Variants in PARD6G observed in about 807,000 individuals in gnomAD.
PARD6G encodes partitioning defective 6 homolog gamma.
PARD6G carries 7 observed loss-of-function variants against 10.7 expected under a neutral mutation model. The observed-to-expected ratio is 0.66, with a 90% CI of 0.37 to 1.23. The LOEUF (loss-of-function observed/expected upper bound fraction) is 1.23, where lower values mean the gene tolerates loss of function less well. Ranked by LOEUF, PARD6G falls within the 50% of genes most tolerant of loss-of-function variation. The probability of loss-of-function intolerance (pLI) is 0.02; values close to 1 mark genes in which losing one functional copy is unlikely to be tolerated. For missense variants in PARD6G, 548 were observed against 571.8 expected (o/e 0.96, Z 0.42); for synonymous variants, 287 against 269.4 (o/e 1.07, Z -0.64).
At chr18:80,174,822 C>T (rs925834611) in intron 2 of PARD6G, among the ~76,000 whole-genome samples, 3 of 152,060 alleles carry the variant, frequency 2.0e-5, no homozygotes, top group South Asian at 2.1e-4. Context: ...GGCTTGGTGG[C>T]GGGCGCCTGT....
rs2052693764 is a variant in PARD6G at position 80,160,613 on chromosome 18, GAGAGGGGACAGTT to G, written c.296-20_296-8del. ...CTGCCACGCTCGGCCTCCTCTGCGG[GAGAGGGGACAGTT>G]AGAGGGGACACACAACCGAGCCCCG... is the stretch of plus-strand genomic sequence containing the variant. On this transcript the variant is annotated splice_region_variant and splice_polypyrimidine_tract_variant and intron_variant, in intron 2 of 2. Transcript: ENST00000353265. 1 of 1,440,160 alleles carries G rather than the reference GAGAGGGGACAGTT, an allele frequency of 6.9e-7. No homozygotes were observed. Among genetic ancestry groups the G allele is most frequent in the Non-Finnish European group, 9.1e-7 (1 of 1,102,096 alleles). The allele number at this position is 1,440,160 out of a possible 1,614,324, so 89.2% of individuals were successfully genotyped here.
Position 80,195,548 on chromosome 18 carries a change from C to CATATATATATATATATATATATATAT in PARD6G, c.295+7161_295+7162insATATATATATATATATATATATATAT, listed in dbSNP as rs201373415. Reference sequence around the variant, plus strand: ...CACACAATAAGAGTCTTCAAAGATACATATATATATATATATATATATATA... The same window carrying CATATATATATATATATATATATATAT: ...CACACAATAAGAGTCTTCAAAGATACATATATATATATATATATATATATATATATATATATATATATATATATATA... On this transcript the variant is annotated intron_variant, in intron 2 of 2. Coordinates refer to ENST00000353265, the MANE Select transcript of PARD6G (RefSeq NM_032510.4). Among the ~76,000 whole-genome samples, 176 of 82,052 alleles carry CATATATATATATATATATATATATAT rather than the reference C, an allele frequency of 2.1e-3. 5 individuals are homozygous for CATATATATATATATATATATATATAT. Among genetic ancestry groups the CATATATATATATATATATATATATAT allele is most frequent in the Non-Finnish European group, 3.3e-3 (136 of 41,000 alleles). The allele number at this position is 82,052 out of a possible 152,430, so 53.8% of individuals were successfully genotyped here. A position where few individuals can be genotyped will look rare whatever the true frequency, so the allele number is the denominator to read the frequency against.
chr18:80,236,188 T>C (rs1332108861), intron 1 of PARD6G, among the ~76,000 whole-genome samples: 2 of 152,182 alleles, frequency 1.3e-5, no homozygotes, highest in Admixed American at 6.5e-5. Flanking sequence ...GATGCAAGGC[T>C]GGTTCAACAA....
At chr18:80,190,653 T>C (rs1005402734) in intron 2 of PARD6G, among the ~76,000 whole-genome samples, 3 of 152,080 alleles carry the variant, frequency 2.0e-5, no homozygotes, top group African/African-American at 4.8e-5. Flanking sequence ...TTCTGTCCTA[T>C]ATAAAAAAGG....
At chr18:80,245,474 G>A (rs1463251125) in intron 1 of PARD6G, among the ~76,000 whole-genome samples, 1 of 152,164 alleles carries the variant, frequency 6.6e-6, no homozygotes, top group African/African-American at 2.4e-5. Context: ...AGACCTAGGC[G>A]TACACGAATG....
chr18:80,177,485 GATAA>G (rs1417711635), intron 2 of PARD6G, among the ~76,000 whole-genome samples: 1 of 130,730 alleles, frequency 7.6e-6, no homozygotes, highest in Non-Finnish European at 1.6e-5. Context: ...ATGCACAGGG[GATAA>G]ATAATCCAAA....
At chr18:80,171,843 A>T (rs2052779383) in intron 2 of PARD6G, 1 of 152,150 alleles carries the variant, frequency 6.6e-6, no homozygotes, top group Non-Finnish European at 1.5e-5. Flanking sequence ...TTCATCCATT[A>T]ATTTAATTTG....
At chr18:80,220,589 ACT>A (rs1389381781) in intron 1 of PARD6G, among the ~76,000 whole-genome samples, 1 of 151,798 alleles carries the variant, frequency 6.6e-6, no homozygotes, top group Non-Finnish European at 1.5e-5. Flanking sequence ...GTATATGGGA[ACT>A]CTCTGCAATC....
chr18:80,191,713 C>G (rs4799142), intron 2 of PARD6G, among the ~76,000 whole-genome samples: 26,099 of 152,162 alleles, frequency 0.17, 2,862 homozygotes, highest in East Asian at 0.43. Flanking sequence ...CTAAGTGGGA[C>G]CCTTGGACTT....
chr18:80,220,510 T>C (rs1967217220), intron 1 of PARD6G, among the ~76,000 whole-genome samples: 1 of 152,226 alleles, frequency 6.6e-6, no homozygotes, highest in Non-Finnish European at 1.5e-5. Context: ...ATATCAGTAT[T>C]GTGTATTAAT....
chr18:80,177,403 GCATACACACA>G (rs928642706), intron 2 of PARD6G, among the ~76,000 whole-genome samples: 16 of 146,278 alleles, frequency 1.1e-4, no homozygotes, highest in Middle Eastern at 4.1e-3. Flanking sequence ...CAAATGGGAA[GCATACACACA>G]CATACACGCA....
intron 1 of PARD6G, among the ~76,000 whole-genome samples, chr18:80,234,946 C>T (rs1385459995): frequency 1.3e-5 from 2 of 152,204 alleles, no homozygotes; most frequent in East Asian, 1.9e-4. Flanking sequence ...TTAGACAGAT[C>T]AACGAGACAG....
chr18:80,186,053 C>CAT (rs2052874486), intron 2 of PARD6G, among the ~76,000 whole-genome samples: 4 of 146,232 alleles, frequency 2.7e-5, no homozygotes, highest in South Asian at 2.2e-4. Context: ...CACCCTCACA[C>CAT]GCATGCACCC....
At chr18:80,240,615 T>TA (rs1350904101) in intron 1 of PARD6G, among the ~76,000 whole-genome samples, 2 of 152,204 alleles carry the variant, frequency 1.3e-5, no homozygotes, top group Non-Finnish European at 1.5e-5. Flanking sequence ...GACTGGACCC[T>TA]ACCTGCTTCT....
At chr18:80,218,487 A>T (rs1306432592) in intron 1 of PARD6G, among the ~76,000 whole-genome samples, 1 of 152,208 alleles carries the variant, frequency 6.6e-6, no homozygotes, top group Non-Finnish European at 1.5e-5. Flanking sequence ...CACTGATGCA[A>T]GAGGTAGGCT....
At chr18:80,241,797 C>G (rs975907001) in intron 1 of PARD6G, among the ~76,000 whole-genome samples, 4 of 152,178 alleles carry the variant, frequency 2.6e-5, no homozygotes, top group African/African-American at 7.2e-5. Flanking sequence ...GTGAACACAT[C>G]TAACCACCTG....
At chr18:80,190,279 C>T (rs973232850) in intron 2 of PARD6G, among the ~76,000 whole-genome samples, 1 of 152,222 alleles carries the variant, frequency 6.6e-6, no homozygotes, top group South Asian at 2.1e-4. Flanking sequence ...GGCAAACAAT[C>T]CGGGCTCAGG....
chr18:80,193,419 C>T (rs548095618), intron 2 of PARD6G, among the ~76,000 whole-genome samples: 1 of 152,168 alleles, frequency 6.6e-6, no homozygotes, highest in Non-Finnish European at 1.5e-5. Context: ...TATAAACATG[C>T]CCCAAGGACA....
intron 1 of PARD6G, among the ~76,000 whole-genome samples, chr18:80,244,131 G>A (rs904116922): frequency 2.0e-5 from 3 of 152,030 alleles, no homozygotes; most frequent in South Asian, 4.1e-4. Flanking sequence ...TGGCTTTTCC[G>A]CTGCATTCTA....
Sources: gnomAD v4.1 joint callset for allele counts (sites outside exome capture counted in the v4.1 genomes callset) on GRCh38, gnomAD v4.1.1 for gene constraint, MANE v1.5 for transcripts, NCBI Gene and HGNC (gene_info 2026-07-23, HGNC 2026-07-21) for gene names.